NTNG1: variants seen among roughly 807,000 people sequenced by gnomAD.
NTNG1 encodes netrin-G1.
In NTNG1, 16 loss-of-function variants were observed where a neutral mutation model predicts 54.0. The observed-to-expected ratio is 0.30, with a 90% CI of 0.20 to 0.45. The LOEUF (loss-of-function observed/expected upper bound fraction) is 0.45. Among genes scored for constraint, NTNG1 ranks in the 20% least tolerant of loss-of-function variants. The pLI, the probability that NTNG1 is intolerant of heterozygous loss-of-function variation, is 1.00. For synonymous variants in NTNG1, 255 were observed against 263.1 expected, an observed-to-expected ratio of 0.97 and a Z score of 0.30; for missense variants, 530 against 678.7, an observed-to-expected ratio of 0.78 and a Z score of 2.43.
intron 7 of NTNG1, among the ~76,000 whole-genome samples, chr1:107,437,919 T>C (rs1288806775): frequency 1.3e-5 from 2 of 152,174 alleles, no homozygotes; most frequent in East Asian, 3.9e-4. Context: ...AGAGTTATTT[T>C]TGCTTGCTTT....
intron 2 of NTNG1, among the ~76,000 whole-genome samples, chr1:107,166,791 C>G (rs1035072449): frequency 2.0e-5 from 3 of 151,870 alleles, no homozygotes; most frequent in African/African-American, 7.3e-5. Flanking sequence ...TTGGATTGAC[C>G]CTGGCCTTTG....
intron 3 of NTNG1, among the ~76,000 whole-genome samples, chr1:107,384,514 A>G (rs1671844492): frequency 6.6e-6 from 1 of 152,202 alleles, no homozygotes; most frequent in Non-Finnish European, 1.5e-5. Context: ...TTTAGTTTAC[A>G]TTCCCAGAGG....
At position 107,333,661 on chromosome 1, in the gene NTNG1, G is replaced by T. The variant is rs202070843; in HGVS notation, c.887+8739G>T. ...CGTGTGTGTGTGCATGTGTGTGTTT[G>T]TGTGTGTGTGTGTGTTTAAACTATT... is the stretch of plus-strand genomic sequence containing the variant. On this transcript the variant is annotated intron_variant, in intron 3 of 7. Transcript: ENST00000370068. Among the ~76,000 whole-genome samples, 4 of 151,078 alleles carry T rather than the reference G, an allele frequency of 2.6e-5. No homozygotes were observed. The East Asian group carries it at 7.8e-4, about 29-fold the overall frequency.
At chr1:107,142,065 G>A (rs1653771510) in intron 1 of NTNG1, among the ~76,000 whole-genome samples, 1 of 152,062 alleles carries the variant, frequency 6.6e-6, no homozygotes, top group Admixed American at 6.5e-5. Flanking sequence ...ACTTGGTGTA[G>A]GGATGCTGTT....
At chr1:107,260,302 A>T (rs1481768152) in intron 2 of NTNG1, among the ~76,000 whole-genome samples, 1 of 152,182 alleles carries the variant, frequency 6.6e-6, no homozygotes, top group African/African-American at 2.4e-5. Flanking sequence ...TGGCGAATGG[A>T]GAAAAGATGA....
intron 2 of NTNG1, among the ~76,000 whole-genome samples, chr1:107,222,322 G>T (rs2101473053): frequency 6.6e-6 from 1 of 152,196 alleles, no homozygotes; most frequent in South Asian, 2.1e-4. Context: ...GGGATTGAGA[G>T]ATATGTATAA....
chr1:107,396,898 C>T (rs1026761667), intron 4 of NTNG1, among the ~76,000 whole-genome samples: 16 of 152,282 alleles, frequency 1.1e-4, no homozygotes, highest in African/African-American at 3.6e-4. Context: ...GCTGTTGAAG[C>T]CCTCAGCTTC....
rs1000980758 is a variant in NTNG1 at position 107,375,452 on chromosome 1, T to G, written c.888-19702T>G. 3.9e-5 allele frequency among the ~76,000 whole-genome samples: 6 copies of G among 152,252 alleles called. No homozygotes were observed. In the East Asian group the frequency reaches 1.2e-3, roughly 29 times the overall value. ...GGAGGTTAAATACAGGTCTTGTTAC[T>G]CCAACTTGGTTGTAAGTAGAAGTTC... On this transcript the variant is annotated intron_variant, in intron 3 of 7. Transcript: ENST00000370068.
At chr1:107,239,043 G>A (rs1161742472) in intron 2 of NTNG1, among the ~76,000 whole-genome samples, 4 of 152,108 alleles carry the variant, frequency 2.6e-5, no homozygotes, top group African/African-American at 9.7e-5. Context: ...ACCAAACAAG[G>A]TAGTAACTGC....
chr1:107,482,179 A>C lies in NTNG1; in HGVS notation c.*1339A>C, dbSNP rs192655471. The C allele has an allele frequency of 6.6e-6, 1 of 151,942 alleles. No individual in the cohort carries two copies. Among genetic ancestry groups the C allele is most frequent in the Admixed American group, 6.6e-5 (1 of 15,258 alleles). 9.4% of individuals were successfully genotyped at this position (151,942 alleles called of 1,614,324 possible). A position where few individuals can be genotyped will look rare whatever the true frequency, so the allele number is the denominator to read the frequency against. On this transcript the variant is annotated 3_prime_UTR_variant, in exon 8 of 8. Coordinates refer to ENST00000370068, the MANE Select transcript of NTNG1 (RefSeq NM_001113226.3). ...CTATTTTCACAGATTGATGGTGATCATGTGACTCTAGGGATGCTGATCTAT... is the reference window on the plus strand; with the variant it reads ...CTATTTTCACAGATTGATGGTGATCCTGTGACTCTAGGGATGCTGATCTAT...
chr1:107,397,902 C>T (rs1672780840), intron 4 of NTNG1, among the ~76,000 whole-genome samples: 1 of 151,990 alleles, frequency 6.6e-6, no homozygotes, highest in South Asian at 2.1e-4. Context: ...GTACTTCCAG[C>T]CAAGCACAGG....
chr1:107,437,478 G>T (rs930585985), intron 7 of NTNG1, among the ~76,000 whole-genome samples: 1 of 152,174 alleles, frequency 6.6e-6, no homozygotes, highest in African/African-American at 2.4e-5. Flanking sequence ...AATCAAGGCA[G>T]AAGGTTCCTT....
chr1:107,336,336 C>T (rs372907936), intron 3 of NTNG1, among the ~76,000 whole-genome samples: 3 of 151,588 alleles, frequency 2.0e-5, no homozygotes, highest in East Asian at 3.9e-4. Context: ...TTTTCAACAA[C>T]GTTGCCAAGA....
intron 1 of NTNG1, chr1:107,143,195 C>T (rs1013069824): frequency 7.9e-5 from 12 of 152,004 alleles, no homozygotes; most frequent in African/African-American, 2.2e-4. Flanking sequence ...GAATTTAAGA[C>T]GGATAATCTT....
chr1:107,216,626 T>G (rs552102454), intron 2 of NTNG1, among the ~76,000 whole-genome samples: 122 of 152,064 alleles, frequency 8.0e-4, no homozygotes, highest in Non-Finnish European at 1.5e-3. Context: ...GTTATGTCAT[T>G]TCCTCGTTTT....
chr1:107,462,344 CT>C, intron 7 of NTNG1, among the ~76,000 whole-genome samples: 1 of 152,272 alleles, frequency 6.6e-6, no homozygotes, highest in Non-Finnish European at 1.5e-5. Flanking sequence ...ACAGGCTCTG[CT>C]ACCCACTACC....
intron 2 of NTNG1, among the ~76,000 whole-genome samples, chr1:107,241,803 C>T (rs1490007620): frequency 3.3e-5 from 5 of 151,968 alleles, no homozygotes; most frequent in Non-Finnish European, 5.9e-5. Flanking sequence ...CAAAAAAAGT[C>T]GGGAGGGAGT....
intron 2 of NTNG1, among the ~76,000 whole-genome samples, chr1:107,190,777 T>G (rs1202038888): frequency 8.5e-5 from 13 of 152,202 alleles, no homozygotes; most frequent in Admixed American, 8.5e-4. Context: ...TATGGCTGCA[T>G]AGTATTCCAT....
chr1:107,348,292 A>G (rs1314663545), intron 3 of NTNG1, among the ~76,000 whole-genome samples: 1 of 151,884 alleles, frequency 6.6e-6, no homozygotes, highest in African/African-American at 2.4e-5. Flanking sequence ...CACCTGGCTG[A>G]TTTTTGTATT....
Sources: gnomAD v4.1 joint callset for allele counts (sites outside exome capture counted in the v4.1 genomes callset) on GRCh38, gnomAD v4.1.1 for gene constraint, MANE v1.5 for transcripts, NCBI Gene and HGNC (gene_info 2026-07-23, HGNC 2026-07-21) for gene names.